POM121: variants seen among roughly 807,000 people sequenced by gnomAD.
POM121 encodes POM121 transmembrane nucleoporin.
A neutral mutation model predicts 81.3 loss-of-function variants in POM121; 32 were observed. That is an observed-to-expected ratio of 0.39 (90% CI 0.30 to 0.53). The LOEUF is 0.53. Among genes scored for constraint, POM121 ranks in the 20% least tolerant of loss-of-function variants. The probability of loss-of-function intolerance (pLI) is 0.66; values close to 1 mark genes in which losing one functional copy is unlikely to be tolerated. For missense variants in POM121, 1,138 were observed against 1,614.6 expected (o/e 0.70, Z 5.06); for synonymous variants, 514 against 694.2 (o/e 0.74, Z 4.08).
chr7:72,904,023 C>T (rs1554493076), intron 3 of POM121, among the ~76,000 whole-genome samples: 1 of 152,150 alleles, frequency 6.6e-6, no homozygotes, highest in African/African-American at 2.4e-5. Flanking sequence ...AGGCTGGTCT[C>T]GAACTCCTGG....
At chr7:72,902,025 T>C (rs1792700115) in intron 3 of POM121, among the ~76,000 whole-genome samples, 1 of 151,418 alleles carries the variant, frequency 6.6e-6, no homozygotes, top group African/African-American at 2.4e-5. Context: ...GGCAGGAGAA[T>C]CACTTGAACC....
At chr7:72,898,991 T>C (rs1381931933) in intron 3 of POM121, among the ~76,000 whole-genome samples, 2 of 131,568 alleles carry the variant, frequency 1.5e-5, no homozygotes, top group East Asian at 2.1e-4. Flanking sequence ...TTTTTTTTTT[T>C]TTTTTTTTTT....
intron 3 of POM121, among the ~76,000 whole-genome samples, chr7:72,893,937 G>A (rs1791582591): frequency 1.3e-5 from 2 of 152,030 alleles, no homozygotes; most frequent in South Asian, 2.1e-4. Flanking sequence ...TTTCTGTTCT[G>A]TGCTGCCCCC....
chr7:72,891,253 A>T, intron 3 of POM121: 2 of 481,480 alleles, frequency 4.2e-6, no homozygotes, highest in Non-Finnish European at 7.6e-6. Flanking sequence ...CACATACATG[A>T]ACTCTTTTGT....
At chr7:72,882,069 C>T (rs1321722562) in intron 1 of POM121, among the ~76,000 whole-genome samples, 2 of 152,132 alleles carry the variant, frequency 1.3e-5, no homozygotes, top group Non-Finnish European at 2.9e-5. Context: ...GAAATTGAGC[C>T]GCACCAAGGA....
chr7:72,886,216 C>T (rs542246249), intron 1 of POM121, among the ~76,000 whole-genome samples: 1 of 152,038 alleles, frequency 6.6e-6, no homozygotes, highest in Non-Finnish European at 1.5e-5. Context: ...CTCTGTCCCC[C>T]AGGCTGGAGT....
chr7:72,881,722 T>C (rs1426242617), intron 1 of POM121, among the ~76,000 whole-genome samples: 1 of 152,138 alleles, frequency 6.6e-6, no homozygotes, highest in Non-Finnish European at 1.5e-5. Context: ...CTTCACCTCC[T>C]GGGTTCAAGT....
rs782210412 is a variant in POM121 at position 72,943,121 on chromosome 7, C to T, written c.3128C>T (p.Thr1043Met). 35 of 1,612,866 alleles carry T rather than the reference C, an allele frequency of 2.2e-5. No homozygotes were observed. The highest frequency in any genetic ancestry group is 9.9e-5 in the South Asian group (9 of 91,038). ...ATHSAFGLKA[T>M]ASAFGAPASS... ...CACTCGGCGTTTGGGTTGAAAGCCA[C>T]GGCTTCGGCCTTCGGCGCTCCCGCC... The change falls in exon 11 of 13, where the codon ACG (threonine) becomes ATG (methionine). Residue 1043 changes from threonine (T) to methionine (M), a missense_variant. Thr to Met is a moderately conservative substitution (Grantham distance 81). Coordinates refer to ENST00000434423, the MANE Select transcript of POM121 (RefSeq NM_001387691.1).
chr7:72,950,375 A>G, downstream of POM121: 1 of 672,556 alleles, frequency 1.5e-6, no homozygotes, highest in Non-Finnish European at 2.5e-6. Flanking sequence ...ATGGGTCAGG[A>G]GCCCCCTCTA....
downstream of POM121, chr7:72,948,859 C>A (rs368252849): frequency 4.4e-6 from 7 of 1,589,340 alleles, no homozygotes; most frequent in African/African-American, 8.1e-5. Flanking sequence ...TCACCCCATC[C>A]CCCCCTCCAC....
At chr7:72,908,038 T>G (rs1554493718) in intron 3 of POM121, among the ~76,000 whole-genome samples, 2 of 152,238 alleles carry the variant, frequency 1.3e-5, no homozygotes, top group African/African-American at 4.8e-5. Flanking sequence ...GTCACCAATT[T>G]TTTTCTCTGT....
intron 4 of POM121, among the ~76,000 whole-genome samples, chr7:72,918,866 C>T (rs555306535): frequency 4.0e-5 from 6 of 151,864 alleles, no homozygotes; most frequent in Admixed American, 6.6e-5. Context: ...GGCGCGATCT[C>T]GGCTCACTGC....
chr7:72,882,871 C>A (rs1391415967), intron 1 of POM121, among the ~76,000 whole-genome samples: 1 of 152,162 alleles, frequency 6.6e-6, no homozygotes, highest in Non-Finnish European at 1.5e-5. Context: ...GCAGTCAAAT[C>A]CAGCGGGCAT....
At chr7:72,911,475 T>C (rs1226856674) in intron 3 of POM121, among the ~76,000 whole-genome samples, 1 of 152,202 alleles carries the variant, frequency 6.6e-6, no homozygotes, top group East Asian at 1.9e-4. Context: ...ATCCTACCCA[T>C]TTGCATGTTG....
chr7:72,942,922 G>T lies in POM121; in HGVS notation c.2929G>T (p.Gly977Trp). Reference sequence around the variant, plus strand: ...CCAGCCCGCATTTGGGGCCGCTGAGGGGCAGCCACCGGGGGCCGCCAAGCC... The same window carrying T: ...CCAGCCCGCATTTGGGGCCGCTGAGTGGCAGCCACCGGGGGCCGCCAAGCC... ...NPQPAFGAAEGQPPGAAKPAL... is the reference protein window; with the variant it reads ...NPQPAFGAAEWQPPGAAKPAL... The change falls in exon 11 of 13, where the codon GGG becomes TGG. Residue 977 changes from glycine (G) to tryptophan (W), a missense_variant. Around this residue, in one of 7 missense-constraint regions of POM121, gnomAD observed 45 missense variants for 75.7 expected, o/e 0.59. Transcript: ENST00000434423. 6.2e-7 allele frequency: 1 copy of T among 1,602,582 alleles called. No homozygotes were observed. The highest frequency in any genetic ancestry group is 8.5e-7 in the Non-Finnish European group (1 of 1,174,870).
chr7:72,905,236 AAT>A (rs1793124212), intron 3 of POM121, among the ~76,000 whole-genome samples: 1 of 152,282 alleles, frequency 6.6e-6, no homozygotes, highest in Admixed American at 6.5e-5. Flanking sequence ...TAAATAATTC[AAT>A]ATGTTTTCCA....
Position 72,943,032 on chromosome 7 carries a change from C to T in POM121, c.3039C>T (p.Ser1013=). 6.2e-7 allele frequency: 1 copy of T among 1,613,896 alleles called. No homozygotes were observed. The highest frequency in any genetic ancestry group is 8.5e-7 in the Non-Finnish European group (1 of 1,179,868). The change falls in exon 11 of 13, where the codon TCC becomes TCT. Residue 1013 remains serine, a synonymous_variant. Coordinates refer to ENST00000434423, the MANE Select transcript of POM121 (RefSeq NM_001387691.1). The stretch of plus-strand genomic sequence containing the variant: ...CTGCACCCACACCTGCACCTCCGTC[C>T]ATGATCAAGGTCGTGCCTGCGTACG... ...PAAAPTPAPP[S]MIKVVPAYVP... is the part of the protein sequence containing the mutation.
chr7:72,928,150 C>G (rs781797704), intron 3 of POM121, among the ~76,000 whole-genome samples: 2 of 151,898 alleles, frequency 1.3e-5, no homozygotes, highest in Non-Finnish European at 2.9e-5. Flanking sequence ...AGGTTTGTTG[C>G]AGTGAGCCAA....
chr7:72,931,525 A>G (rs1485773294), intron 5 of POM121, among the ~76,000 whole-genome samples: 1 of 151,706 alleles, frequency 6.6e-6, no homozygotes, highest in Non-Finnish European at 1.5e-5. Context: ...TATGTATTAC[A>G]CCAAAAATGT....
Sources: gnomAD v4.1 joint callset for allele counts (sites outside exome capture counted in the v4.1 genomes callset) on GRCh38, gnomAD v4.1.1 for gene constraint, gnomAD v4.1.1 regional missense constraint, MANE v1.5 for transcripts, NCBI Gene and HGNC (gene_info 2026-07-23, HGNC 2026-07-21) for gene names.